Variants in ZNF385D observed in about 807,000 individuals in gnomAD.
ZNF385D encodes zinc finger protein 659.
In ZNF385D, 15 loss-of-function variants were observed where a neutral mutation model predicts 35.8. The ratio of observed to expected loss-of-function variants is 0.42; its 90% CI spans 0.28 to 0.64. ZNF385D has a LOEUF of 0.64. Among genes scored for constraint, ZNF385D ranks in the 30% least tolerant of loss-of-function variants. The probability of loss-of-function intolerance (pLI) is 0.23; values close to 1 mark genes in which losing one functional copy is unlikely to be tolerated. For missense variants in ZNF385D, 474 were observed against 494.6 expected, an observed-to-expected ratio of 0.96 and a Z score of 0.39; for synonymous variants, 212 against 186.8, an observed-to-expected ratio of 1.13 and a Z score of -1.10.
intron 3 of ZNF385D, among the ~76,000 whole-genome samples, chr3:22,029,081 G>A (rs367610990): frequency 6.6e-6 from 1 of 152,094 alleles, no homozygotes; most frequent in African/African-American, 2.4e-5. Flanking sequence ...TGCTGGCCTA[G>A]AGGTCTTAGT....
chr3:22,312,674 G>A (rs918199536), intron 2 of ZNF385D, among the ~76,000 whole-genome samples: 10 of 152,162 alleles, frequency 6.6e-5, no homozygotes, highest in African/African-American at 2.2e-4. Context: ...CTGGCCATCA[G>A]AGAAATGCAA....
intron 3 of ZNF385D, among the ~76,000 whole-genome samples, chr3:21,925,097 A>T (rs1700662044): frequency 6.6e-6 from 1 of 152,218 alleles, no homozygotes; most frequent in Admixed American, 6.5e-5. Flanking sequence ...ATACAGATTT[A>T]ATCCAATTGC....
At chr3:22,018,786 C>G (rs1576162922) in intron 3 of ZNF385D, among the ~76,000 whole-genome samples, 1 of 151,892 alleles carries the variant, frequency 6.6e-6, no homozygotes, top group Non-Finnish European at 1.5e-5. Flanking sequence ...GAAAGTAACC[C>G]TACAAAGTCA....
intron 1 of ZNF385D, among the ~76,000 whole-genome samples, chr3:21,726,642 C>A (rs2068777597): frequency 6.6e-6 from 1 of 152,044 alleles, no homozygotes; most frequent in Non-Finnish European, 1.5e-5. Flanking sequence ...TCTTCAAGAA[C>A]TACAAACCAC....
chr3:21,541,278 G>T (rs555410235), intron 3 of ZNF385D, among the ~76,000 whole-genome samples: 4 of 152,190 alleles, frequency 2.6e-5, no homozygotes, highest in African/African-American at 9.6e-5. Flanking sequence ...TGTGAAGAAG[G>T]TTAAAAATGA....
At chr3:22,076,798 C>T (rs1700488189) in intron 3 of ZNF385D, among the ~76,000 whole-genome samples, 2 of 151,722 alleles carry the variant, frequency 1.3e-5, no homozygotes, top group African/African-American at 4.8e-5. Context: ...TATTCTTGGA[C>T]AAAATATTTG....
chr3:22,300,385 A>C (rs1328850685), intron 2 of ZNF385D, among the ~76,000 whole-genome samples: 1 of 90,318 alleles, frequency 1.1e-5, no homozygotes, highest in Non-Finnish European at 2.2e-5. Context: ...GGTCTGGGCA[A>C]TGATTTTTTT....
chr3:22,046,889 G>C (rs1199216121), intron 3 of ZNF385D, among the ~76,000 whole-genome samples: 2 of 152,110 alleles, frequency 1.3e-5, no homozygotes, highest in Non-Finnish European at 2.9e-5. Context: ...AGGAAAATAT[G>C]AAATCAGAAA....
At chr3:21,700,658 G>A (rs2067648871) in intron 1 of ZNF385D, among the ~76,000 whole-genome samples, 1 of 152,132 alleles carries the variant, frequency 6.6e-6, no homozygotes, top group Non-Finnish European at 1.5e-5. Context: ...GTAAAACGGT[G>A]AAGAAAGATA....
chr3:22,141,350 C>A (rs1325766573), intron 3 of ZNF385D, among the ~76,000 whole-genome samples: 2 of 151,982 alleles, frequency 1.3e-5, no homozygotes, highest in Non-Finnish European at 1.5e-5. Flanking sequence ...ATAAATAGAG[C>A]AAAATGACAC....
intron 2 of ZNF385D, among the ~76,000 whole-genome samples, chr3:21,583,090 C>T (rs2063713647): frequency 6.6e-6 from 1 of 152,100 alleles, no homozygotes; most frequent in Non-Finnish European, 1.5e-5. Flanking sequence ...ATGTCTACCA[C>T]ATAGAAGCAT....
intron 3 of ZNF385D, among the ~76,000 whole-genome samples, chr3:22,143,238 A>G (rs773780411): frequency 1.1e-4 from 16 of 151,784 alleles, no homozygotes; most frequent in Non-Finnish European, 2.1e-4. Context: ...GCCCACCACC[A>G]CGCCTGGCTA....
chr3:21,604,184 C>G (rs6773155), intron 2 of ZNF385D, among the ~76,000 whole-genome samples: 1 of 151,858 alleles, frequency 6.6e-6, no homozygotes, highest in African/African-American at 2.4e-5. Flanking sequence ...AAAGATAATA[C>G]CAATAGAGGG....
At chr3:21,796,510 A>G (rs1218493223) in intron 3 of ZNF385D, among the ~76,000 whole-genome samples, 2 of 152,222 alleles carry the variant, frequency 1.3e-5, no homozygotes, top group Non-Finnish European at 2.9e-5. Context: ...AATTCATCAC[A>G]TCAACAAAAG....
At chr3:21,655,111 AAAC>A (rs961956338) in intron 2 of ZNF385D, among the ~76,000 whole-genome samples, 34 of 151,614 alleles carry the variant, frequency 2.2e-4, no homozygotes, top group East Asian at 3.9e-4. Context: ...GAAGTGCAAA[AAAC>A]AACAACAACA....
chr3:21,464,085 T>C (rs1703353279), intron 4 of ZNF385D, among the ~76,000 whole-genome samples: 3 of 152,172 alleles, frequency 2.0e-5, no homozygotes, highest in Admixed American at 2.0e-4. Context: ...AGCCTTAAAC[T>C]CATTTAAATC....
intron 4 of ZNF385D, chr3:21,441,738 T>A (rs957918055): frequency 2.0e-6 from 2 of 985,174 alleles, no homozygotes; most frequent in Non-Finnish European, 2.4e-6. Context: ...CACCTTTTTT[T>A]CCCCCTGCAA....
chr3:22,278,977 G>A (rs958506105), intron 2 of ZNF385D, among the ~76,000 whole-genome samples: 5 of 152,038 alleles, frequency 3.3e-5, no homozygotes, highest in Non-Finnish European at 7.4e-5. Flanking sequence ...CTCTTAGGCG[G>A]GTTACTAGAA....
At chr3:21,680,280 A>G (rs2066857896) in intron 1 of ZNF385D, among the ~76,000 whole-genome samples, 1 of 152,154 alleles carries the variant, frequency 6.6e-6, no homozygotes, top group Admixed American at 6.5e-5. Context: ...ATAAAAGTAA[A>G]TGTGATATTA....
Sources: allele counts gnomAD v4.1 joint callset (sites outside exome capture counted in the v4.1 genomes callset), GRCh38; gene constraint gnomAD v4.1.1; transcripts MANE v1.5; gene names NCBI Gene and HGNC (gene_info 2026-07-23, HGNC 2026-07-21).